The following SOCS5 variants were observed in gnomAD, a reference collection of about 807,000 sequenced individuals.
SOCS5 encodes the protein suppressor of cytokine signaling 5, also known as CIS-6.
Under a neutral mutation model 42.8 loss-of-function variants are expected in SOCS5, and 32 were observed. The observed-to-expected ratio is 0.75, with a 90% CI of 0.56 to 1.01. SOCS5 has a LOEUF of 1.01. Ranked by LOEUF, SOCS5 falls within the 50% of genes least tolerant of loss-of-function variation. The pLI is 0.00. For missense variants in SOCS5, 627 were observed against 653.0 expected (o/e 0.96, Z 0.43); for synonymous variants, 283 against 229.6 (o/e 1.23, Z -2.10).
At chr2:46,706,891 T>G (rs1672504637) in intron 1 of SOCS5, among the ~76,000 whole-genome samples, 1 of 152,210 alleles carries the variant, frequency 6.6e-6, no homozygotes, top group South Asian at 2.1e-4. Context: ...TTCCTCAAAA[T>G]TGAGATAAAA....
chr2:46,721,426 C>A (rs1330680328), intron 1 of SOCS5, among the ~76,000 whole-genome samples: 1 of 152,042 alleles, frequency 6.6e-6, no homozygotes, highest in Non-Finnish European at 1.5e-5. Context: ...TATTTGTTAT[C>A]AGTTTTTTAA....
chr2:46,734,501 T>G lies in SOCS5; in HGVS notation c.-12-24018T>G, dbSNP rs115509285. Among the ~76,000 whole-genome samples the G allele has an allele frequency of 6.9e-3, 1,056 of 152,310 alleles. 5 individuals are homozygous for G. Among genetic ancestry groups the G allele is most frequent in the East Asian group, 0.013 (65 of 5,186 alleles). ...CAATAATTCATTGGCCTTAGTTCAC[T>G]TTAATAGGCAGATATTTGAATCCTT... On this transcript the variant is annotated intron_variant, in intron 1 of 1. Transcript: ENST00000394861.
intron 1 of SOCS5, among the ~76,000 whole-genome samples, chr2:46,703,512 C>T (rs1672392245): frequency 6.6e-6 from 1 of 152,174 alleles, no homozygotes; most frequent in Admixed American, 6.5e-5. Flanking sequence ...CATAGGTACT[C>T]TCTTCAAGTC....
chr2:46,712,417 C>G (rs761482525), intron 1 of SOCS5, among the ~76,000 whole-genome samples: 2 of 139,114 alleles, frequency 1.4e-5, no homozygotes, highest in Non-Finnish European at 1.5e-5. Flanking sequence ...TATCTTGGCT[C>G]ACTGCAACCC....
At chr2:46,744,798 G>A (rs1673462956) in intron 1 of SOCS5, among the ~76,000 whole-genome samples, 1 of 151,754 alleles carries the variant, frequency 6.6e-6, no homozygotes, top group Non-Finnish European at 1.5e-5. Context: ...AAAGTGCAGG[G>A]CTCACATGCG....
intron 1 of SOCS5, among the ~76,000 whole-genome samples, chr2:46,730,121 C>G (rs543294976): frequency 3.3e-5 from 5 of 152,136 alleles, no homozygotes; most frequent in African/African-American, 1.2e-4. Context: ...TCTCATTGAC[C>G]CAAACATCAT....
intron 1 of SOCS5, among the ~76,000 whole-genome samples, chr2:46,701,299 C>T (rs948596859): frequency 2.0e-5 from 3 of 152,196 alleles, no homozygotes; most frequent in Non-Finnish European, 4.4e-5. Flanking sequence ...GTAAGACTCA[C>T]TGGCTGTGAA....
At position 46,759,316 on chromosome 2, in the gene SOCS5, T is replaced by C. The variant is rs768687472; in HGVS notation, c.786T>C (p.Asp262=). 5 of 1,613,898 alleles carry C rather than the reference T, an allele frequency of 3.1e-6. No homozygotes were observed. The East Asian group carries it at 6.7e-5, about 22-fold the overall frequency. ...TGGTTTCTACAGAAGATGAAGAAGA[T>C]AGGCTTAGAGAGAGAAGGCGGCTTA... The part of the protein sequence containing the change: ...PSLVSTEDEE[D]RLRERRRLSI... The change falls in exon 2 of 2, where the codon GAT becomes GAC. Residue 262 remains aspartate, a synonymous_variant. Transcript: ENST00000394861.
intron 1 of SOCS5, among the ~76,000 whole-genome samples, chr2:46,708,203 G>C (rs1672539186): frequency 6.6e-6 from 1 of 152,186 alleles, no homozygotes; most frequent in South Asian, 2.1e-4. Flanking sequence ...GGAATTTGTA[G>C]TGGGGTTGGA....
chr2:46,711,509 T>C (rs1672622040), intron 1 of SOCS5, among the ~76,000 whole-genome samples: 1 of 152,250 alleles, frequency 6.6e-6, no homozygotes, highest in African/African-American at 2.4e-5. Flanking sequence ...TGTATATTAA[T>C]TGGATGCAAC....
At chr2:46,731,194 G>A (rs969734788) in intron 1 of SOCS5, among the ~76,000 whole-genome samples, 6 of 152,180 alleles carry the variant, frequency 3.9e-5, no homozygotes, top group Non-Finnish European at 7.3e-5. Flanking sequence ...ATTATATAAG[G>A]AGGTGGAGCC....
At chr2:46,731,724 C>G (rs1673129291) in intron 1 of SOCS5, among the ~76,000 whole-genome samples, 1 of 152,122 alleles carries the variant, frequency 6.6e-6, no homozygotes, top group Non-Finnish European at 1.5e-5. Flanking sequence ...TTAAAAATCA[C>G]CAAGTGTAGG....
At chr2:46,735,418 A>G (rs1673221548) in intron 1 of SOCS5, among the ~76,000 whole-genome samples, 3 of 152,134 alleles carry the variant, frequency 2.0e-5, no homozygotes, top group Admixed American at 1.3e-4. Context: ...AACTTAGTCC[A>G]TGGCCACAAG....
chr2:46,728,904 C>T (rs1572837885), intron 1 of SOCS5, among the ~76,000 whole-genome samples: 1 of 152,156 alleles, frequency 6.6e-6, no homozygotes, highest in African/African-American at 2.4e-5. Flanking sequence ...GCCTCTAAGC[C>T]AGTGGTTCTC....
rs186120560 is a variant in SOCS5 at position 46,744,498 on chromosome 2, T to C, written c.-12-14021T>C. On this transcript the variant is annotated intron_variant, in intron 1 of 1. Coordinates refer to ENST00000394861, the MANE Select transcript of SOCS5 (RefSeq NM_144949.3). ...AAATCAGTGTGGGTGGTGAGATATT[T>C]CCAAACTAGTTCTTTCAAAATAATA... 3.3e-5 allele frequency among the ~76,000 whole-genome samples: 5 copies of C among 152,190 alleles called. No individual in the cohort carries two copies. In the East Asian group the frequency reaches 9.7e-4, roughly 29 times the overall value.
intron 1 of SOCS5, among the ~76,000 whole-genome samples, chr2:46,700,012 C>A (rs902397823): frequency 6.6e-6 from 1 of 152,044 alleles, no homozygotes; most frequent in African/African-American, 2.4e-5. Flanking sequence ...TTTAACTAAC[C>A]AAGGTGGGTA....
intron 1 of SOCS5, among the ~76,000 whole-genome samples, chr2:46,737,800 A>T (rs1312196982): frequency 6.6e-6 from 1 of 152,148 alleles, no homozygotes; most frequent in Admixed American, 6.5e-5. Flanking sequence ...CTGAGCCAAG[A>T]TCAAAGCAGC....
intron 1 of SOCS5, among the ~76,000 whole-genome samples, chr2:46,746,737 G>A (rs560187440): frequency 1.3e-5 from 2 of 151,346 alleles, no homozygotes; most frequent in Admixed American, 6.6e-5. Flanking sequence ...CATGTTTGTT[G>A]TTAGTACGGT....
rs17771838 is a variant in SOCS5, at chr2:46,760,000, G to A, written c.1470G>A (p.Ala490=). ...TTAGCCTGCAGTATATCTGTCGCGC[G>A]GTAATCTGCAGGTGCACTACGTATG... ...FPFSLQYICR[A]VICRCTTYDG... Residue 490 remains alanine (A), a synonymous_variant, in exon 2 of 2, where the codon GCG becomes GCA. Transcript: ENST00000394861. 0.085 allele frequency: 137,472 copies of A among 1,613,910 alleles called. 6,514 individuals are homozygous for A. Among genetic ancestry groups the A allele is most frequent in the Middle Eastern group, 0.17 (1,037 of 6,062 alleles).
Sources: gnomAD v4.1 joint callset for allele counts (sites outside exome capture counted in the v4.1 genomes callset) on GRCh38, gnomAD v4.1.1 for gene constraint, MANE v1.5 for transcripts, NCBI Gene and HGNC (gene_info 2026-07-23, HGNC 2026-07-21) for gene names.